Variants in USP34 observed in about 807,000 individuals in gnomAD.
USP34 encodes the protein ubiquitin carboxyl-terminal hydrolase 34.
In USP34, 70 loss-of-function variants were observed where a neutral mutation model predicts 460.3. The observed-to-expected ratio is 0.15, with a 90% CI of 0.13 to 0.19. The LOEUF (loss-of-function observed/expected upper bound fraction) is 0.19, where lower values mean the gene tolerates loss of function less well. USP34 is among the 10% of genes least tolerant of loss of function. The pLI is 1.00. For missense variants in USP34, 3,985 were observed against 4,236.2 expected (o/e 0.94, Z 1.65); for synonymous variants, 1,647 against 1,405.3 (o/e 1.17, Z -3.85).
At chr2:61,410,888 A>G (rs201173956) in intron 2 of USP34, among the ~76,000 whole-genome samples, 9 of 152,208 alleles carry the variant, frequency 5.9e-5, no homozygotes, top group Non-Finnish European at 1.2e-4. Flanking sequence ...GGAAAGGCTC[A>G]GGACTTAAGA....
At chr2:61,343,484 A>G (rs78784983) in intron 16 of USP34, among the ~76,000 whole-genome samples, 233 of 152,310 alleles carry the variant, frequency 1.5e-3, no homozygotes, top group Admixed American at 3.5e-3. Flanking sequence ...GTGATTTCCT[A>G]TACTTTTAGG....
chr2:61,392,515 T>G (rs1369363141), intron 5 of USP34, among the ~76,000 whole-genome samples: 1 of 151,938 alleles, frequency 6.6e-6, no homozygotes, highest in Non-Finnish European at 1.5e-5. Context: ...TCCCAGCTAC[T>G]AGGGAGGCTG....
At chr2:61,301,237 C>T in intron 28 of USP34, 77 bp from the exon 29 acceptor site, 1 of 1,519,314 alleles carries the variant, frequency 6.6e-7, no homozygotes, top group Non-Finnish European at 8.9e-7. Flanking sequence ...AGTATAGAAT[C>T]ACTTAAAATT....
intron 5 of USP34, among the ~76,000 whole-genome samples, chr2:61,389,620 C>A (rs530353009): frequency 6.6e-6 from 1 of 152,106 alleles, no homozygotes; most frequent in Non-Finnish European, 1.5e-5. Flanking sequence ...AACAGAGGTA[C>A]AATTCAAACC....
chr2:61,311,544 A>G lies in USP34; in HGVS notation c.3813T>C (p.Phe1271=). ...AATTTGAATTGAAAGGCTTACCAGG[A>G]AACTCTCCTTTTCGGTTGCTTTGAC... ...EFGQSNRKGE[F]PGGLMGPVRM... Residue 1271 remains phenylalanine (F), a synonymous_variant, in exon 27 of 80, where the codon TTT becomes TTC. Coordinates refer to ENST00000398571, the MANE Select transcript of USP34 (RefSeq NM_014709.4). The G allele has an allele frequency of 6.3e-7, 1 of 1,584,004 alleles. No individual in the cohort carries two copies. Among genetic ancestry groups the G allele is most frequent in the Non-Finnish European group, 8.6e-7 (1 of 1,167,814 alleles).
intron 5 of USP34, among the ~76,000 whole-genome samples, chr2:61,388,886 T>C (rs972352682): frequency 1.3e-5 from 2 of 151,948 alleles, no homozygotes; most frequent in Admixed American, 6.6e-5. Flanking sequence ...CATAGAAGAA[T>C]GCTGACACCC....
At chr2:61,326,707 C>G (rs1244809113) in intron 20 of USP34, among the ~76,000 whole-genome samples, 1 of 151,244 alleles carries the variant, frequency 6.6e-6, no homozygotes, top group Non-Finnish European at 1.5e-5. Context: ...GCCCAAACTG[C>G]TTTGCCAACA....
chr2:61,343,412 T>C (rs1178087299), intron 16 of USP34, among the ~76,000 whole-genome samples: 1 of 152,158 alleles, frequency 6.6e-6, no homozygotes, highest in African/African-American at 2.4e-5. Flanking sequence ...ACTAACCTTC[T>C]GCCTGCAGAT....
At chr2:61,365,944 C>CTATTTTATTTATT (rs1553377154) in intron 10 of USP34, among the ~76,000 whole-genome samples, 6 of 150,186 alleles carry the variant, frequency 4.0e-5, no homozygotes, top group Non-Finnish European at 7.4e-5. Flanking sequence ...CTGGGAACAC[C>CTATTTTATTTATT]TATTTATTTA....
chr2:61,206,895 G>A lies in USP34; in HGVS notation c.8920-9C>T. The A allele has an allele frequency of 1.2e-6, 2 of 1,606,048 alleles. No individual in the cohort carries two copies. The highest frequency in any genetic ancestry group is 1.7e-6 in the Non-Finnish European group (2 of 1,177,420). On this transcript the variant is annotated splice_polypyrimidine_tract_variant and intron_variant, in intron 70 of 79. Coordinates refer to ENST00000398571, the MANE Select transcript of USP34 (RefSeq NM_014709.4). ...TGCAAAGTGTTGAAAGACTACAAAT[G>A]ATTTGAAAAAATTGAAAACTTAATT...
Position 61,325,597 on chromosome 2 carries a change from C to T in USP34, c.2931-140G>A, listed in dbSNP as rs536611290. 29 of 459,484 alleles carry T rather than the reference C, an allele frequency of 6.3e-5. 1 individual carries two copies. The South Asian group carries it at 8.5e-4, about 14-fold the overall frequency. The allele number at this position is 459,484 out of a possible 1,614,324, so 28.5% of individuals were successfully genotyped here. A position where few individuals can be genotyped will look rare whatever the true frequency, so the allele number is the denominator to read the frequency against. ...TTTTAACTAAGTATCTTTGGTTACA[C>T]GAAAGAAGTTCATAAAGGCAAAACA... On this transcript the variant is annotated intron_variant, in intron 20 of 79. Transcript: ENST00000398571.
intron 1 of USP34, among the ~76,000 whole-genome samples, chr2:61,462,506 G>A (rs1223645629): frequency 1.3e-5 from 2 of 149,780 alleles, no homozygotes; most frequent in Non-Finnish European, 3.0e-5. Flanking sequence ...CCAAGATCAT[G>A]CCACTGCACT....
At chr2:61,359,779 G>GT (rs35258583) in intron 10 of USP34, among the ~76,000 whole-genome samples, 9,244 of 86,918 alleles carry the variant, frequency 0.11, 713 homozygotes, top group Non-Finnish European at 0.13. Flanking sequence ...GCCCACAGTT[G>GT]TTTTTTTTTT....
intron 5 of USP34, among the ~76,000 whole-genome samples, chr2:61,391,347 A>G (rs553535225): frequency 2.2e-4 from 33 of 152,246 alleles, no homozygotes; most frequent in African/African-American, 7.7e-4. Context: ...TGAGGAGGAA[A>G]TCATACTAGA....
intron 21 of USP34, among the ~76,000 whole-genome samples, chr2:61,323,951 T>C (rs374506809): frequency 6.6e-6 from 1 of 152,212 alleles, no homozygotes; most frequent in Non-Finnish European, 1.5e-5. Context: ...TTGTTACAAA[T>C]AGTTTGAAAA....
chr2:61,441,492 G>C (rs1485756750), intron 1 of USP34, among the ~76,000 whole-genome samples: 1 of 152,086 alleles, frequency 6.6e-6, no homozygotes, highest in Non-Finnish European at 1.5e-5. Flanking sequence ...GCCTCCTCTG[G>C]AGCCCAGGGC....
intron 2 of USP34, among the ~76,000 whole-genome samples, chr2:61,407,140 C>T (rs1406692908): frequency 1.3e-5 from 2 of 152,238 alleles, no homozygotes; most frequent in African/African-American, 4.8e-5. Context: ...AATCCCAACA[C>T]TTTGGGAGAC....
At chr2:61,288,188 C>A (rs1373477045) in intron 34 of USP34, among the ~76,000 whole-genome samples, 1 of 152,174 alleles carries the variant, frequency 6.6e-6, no homozygotes, top group Admixed American at 6.5e-5. Flanking sequence ...GAGGCCTAAA[C>A]CCCGGTTTAA....
chr2:61,315,000 T>G (rs774626462), intron 23 of USP34, 26 bp from the exon 24 acceptor site: 30 of 1,580,730 alleles, frequency 1.9e-5, no homozygotes, highest in Admixed American at 3.6e-5. Flanking sequence ...ATGGTATCTC[T>G]AAATTTTGTT....
Sources: gnomAD v4.1 joint callset for allele counts (sites outside exome capture counted in the v4.1 genomes callset) on GRCh38, gnomAD v4.1.1 for gene constraint, MANE v1.5 for transcripts, NCBI Gene and HGNC (gene_info 2026-07-23, HGNC 2026-07-21) for gene names.